Variants in AUTS2 observed in about 807,000 individuals in gnomAD.
The protein encoded by AUTS2 is autism susceptibility gene 2 protein.
AUTS2 carries 17 observed loss-of-function variants against 112.4 expected under a neutral mutation model. That is an observed-to-expected ratio of 0.15 (90% CI 0.10 to 0.23). The LOEUF (loss-of-function observed/expected upper bound fraction) is 0.23. Ranked by LOEUF, AUTS2 falls within the 10% of genes least tolerant of loss-of-function variation. The probability of loss-of-function intolerance (pLI) is 1.00; values close to 1 mark genes in which losing one functional copy is unlikely to be tolerated. For synonymous variants in AUTS2, 751 were observed against 702.7 expected, an observed-to-expected ratio of 1.07 and a Z score of -1.09; for missense variants, 1,510 against 1,701.6, an observed-to-expected ratio of 0.89 and a Z score of 1.98.
At chr7:69,621,418 C>T (rs761315120) in intron 1 of AUTS2, among the ~76,000 whole-genome samples, 1 of 130,230 alleles carries the variant, frequency 7.7e-6, no homozygotes, top group Non-Finnish European at 1.6e-5. Context: ...CTTTGGATGT[C>T]TTCAGAATCT....
At chr7:70,003,904 T>C (rs1473046068) in intron 2 of AUTS2, among the ~76,000 whole-genome samples, 3 of 84,948 alleles carry the variant, frequency 3.5e-5, no homozygotes, top group Non-Finnish European at 6.1e-5. Context: ...ATATATTATA[T>C]ATGAATGTGT....
intron 4 of AUTS2, among the ~76,000 whole-genome samples, chr7:70,341,156 A>C (rs1030007847): frequency 6.6e-6 from 1 of 152,230 alleles, no homozygotes; most frequent in Non-Finnish European, 1.5e-5. Flanking sequence ...CAGCTTCCCA[A>C]TAAATGCTAC....
At chr7:70,035,706 A>T (rs1006087881) in intron 2 of AUTS2, among the ~76,000 whole-genome samples, 1 of 152,080 alleles carries the variant, frequency 6.6e-6, no homozygotes, top group African/African-American at 2.4e-5. Flanking sequence ...CTGGTTCTTT[A>T]TTCTTCCCGG....
chr7:70,178,122 CTTATTT>C (rs1208496205), intron 4 of AUTS2, among the ~76,000 whole-genome samples: 4 of 151,650 alleles, frequency 2.6e-5, no homozygotes, highest in African/African-American at 7.3e-5. Flanking sequence ...CATCATTGTT[CTTATTT>C]TTATTTGTCA....
intron 1 of AUTS2, among the ~76,000 whole-genome samples, chr7:69,823,783 A>G (rs1429038115): frequency 2.0e-5 from 3 of 152,194 alleles, no homozygotes; most frequent in African/African-American, 4.8e-5. Flanking sequence ...AAAAAAACAA[A>G]AAACCAGCAA....
chr7:70,493,476 T>C (rs996490562), intron 5 of AUTS2, among the ~76,000 whole-genome samples: 1 of 152,156 alleles, frequency 6.6e-6, no homozygotes, highest in Non-Finnish European at 1.5e-5. Flanking sequence ...TAATTACTAC[T>C]CTGGATTTCA....
At chr7:70,784,378 T>A (rs1238786823) in intron 15 of AUTS2, 2 of 152,606 alleles carry the variant, frequency 1.3e-5, no homozygotes, top group Non-Finnish European at 2.9e-5. Context: ...CCAGAGATGA[T>A]AACGGGCTGG....
In AUTS2 at chr7:69,791,275, C is replaced by A. The variant is rs144042902; in HGVS notation, c.310-108011C>A. On this transcript the variant is annotated intron_variant, in intron 1 of 18. Coordinates refer to ENST00000342771, the MANE Select transcript of AUTS2 (RefSeq NM_015570.4). The stretch of plus-strand genomic sequence containing the variant: ...TGCATTTAGTGCACTTGGCGAGTGA[C>A]CTCCAATAGAGCTGTGTGTTCCCTT... Among the ~76,000 whole-genome samples the A allele has an allele frequency of 5.0e-4, 76 of 152,294 alleles. 1 individual carries two copies. The East Asian group carries it at 0.012, about 24-fold the overall frequency.
chr7:70,671,796 AG>A (rs1490472488), intron 5 of AUTS2, among the ~76,000 whole-genome samples: 2 of 152,224 alleles, frequency 1.3e-5, no homozygotes, highest in African/African-American at 4.8e-5. Context: ...TCAACCTGGA[AG>A]GAAGTGTCAG....
Position 70,763,311 on chromosome 7 carries a change from A to G in AUTS2, c.1184A>G (p.Asn395Ser), listed in dbSNP as rs987804836. 2.5e-6 allele frequency: 4 copies of G among 1,594,386 alleles called. No individual in the cohort carries two copies. Among genetic ancestry groups the G allele is most frequent in the Non-Finnish European group, 3.4e-6 (4 of 1,169,092 alleles). Residue 395 changes from asparagine (N) to serine (S), a missense_variant, in exon 7 of 19, where the codon AAC (asparagine) becomes AGC (serine). Asn to Ser is a conservative substitution (Grantham distance 46). Around this residue, in one of 3 missense-constraint regions of AUTS2, gnomAD observed 535 missense variants for 594.3 expected, o/e 0.90. Coordinates refer to ENST00000342771, the MANE Select transcript of AUTS2 (RefSeq NM_015570.4). Reference protein sequence around the residue: ...QSLSQPLSAYNSSSLSLNSLS... With the variant: ...QSLSQPLSAYSSSSLSLNSLS... ...CTCTCCCAGCCATTGTCAGCCTACA[A>G]CAGCAGTAGCTTAAGCCTCAACAGT...
At position 70,185,257 on chromosome 7, in the gene AUTS2, C is replaced by CTTTTT. The variant is rs35215443; in HGVS notation, c.660+50709_660+50713dup. On this transcript the variant is annotated intron_variant, in intron 4 of 18. Coordinates refer to ENST00000342771, the MANE Select transcript of AUTS2 (RefSeq NM_015570.4). ...TGCTTTGGGCCTAAATGACATTAAA[C>CTTTTT]TTTTTTTTTTTTTTTTTTTTTTTTT... is the stretch of plus-strand genomic sequence containing the variant. Among the ~76,000 whole-genome samples the CTTTTT allele has an allele frequency of 3.7e-4, 32 of 87,118 alleles. 1 individual carries two copies. The highest frequency in any genetic ancestry group is 8.7e-4 in the African/African-American group (19 of 21,910). 57.2% of individuals were successfully genotyped at this position (87,118 alleles called of 152,430 possible).
intron 6 of AUTS2, among the ~76,000 whole-genome samples, chr7:70,760,209 G>A (rs948322366): frequency 1.3e-5 from 2 of 152,194 alleles, no homozygotes; most frequent in African/African-American, 4.8e-5. Context: ...GTTTCACCGT[G>A]TTAGCCAGGA....
At chr7:69,620,637 TG>T (rs1470320182) in intron 1 of AUTS2, among the ~76,000 whole-genome samples, 2 of 152,220 alleles carry the variant, frequency 1.3e-5, no homozygotes, top group Non-Finnish European at 2.9e-5. Context: ...TCTTTATACC[TG>T]TGAGCTCTTA....
intron 4 of AUTS2, among the ~76,000 whole-genome samples, chr7:70,371,628 G>A (rs937284700): frequency 3.9e-5 from 6 of 152,096 alleles, no homozygotes; most frequent in African/African-American, 1.4e-4. Context: ...TACACATGAG[G>A]CATTTGTTTA....
Position 70,010,943 on chromosome 7 carries a change from G to T in AUTS2, c.523-107189G>T, listed in dbSNP as rs1057143037. 6.6e-5 allele frequency among the ~76,000 whole-genome samples: 10 copies of T among 152,302 alleles called. No individual in the cohort carries two copies. In the East Asian group the frequency reaches 1.2e-3, roughly 18 times the overall value. ...AGGGTCAAAGCTTCATTGTTGGGCA[G>T]CCAAGGAAGAGATTTGCTTGACTTA... On this transcript the variant is annotated intron_variant, in intron 2 of 18. Transcript: ENST00000342771.
intron 5 of AUTS2, among the ~76,000 whole-genome samples, chr7:70,460,851 C>T (rs1201992213): frequency 6.6e-6 from 1 of 152,118 alleles, no homozygotes; most frequent in Non-Finnish European, 1.5e-5. Flanking sequence ...CTGCATGGTG[C>T]CTTGCTGGTG....
At chr7:69,983,514 C>CTG (rs35678805) in intron 2 of AUTS2, among the ~76,000 whole-genome samples, 2,333 of 148,956 alleles carry the variant, frequency 0.016, 39 homozygotes, top group South Asian at 0.069. Flanking sequence ...TCGCTTTGTA[C>CTG]TGTGTGTGTG....
intron 4 of AUTS2, among the ~76,000 whole-genome samples, chr7:70,153,261 T>C (rs1269967096): frequency 6.6e-6 from 1 of 152,192 alleles, no homozygotes; most frequent in Non-Finnish European, 1.5e-5. Context: ...TATTGATACA[T>C]GCAACAACAT....
At chr7:70,665,948 C>G (rs1807326630) in intron 5 of AUTS2, among the ~76,000 whole-genome samples, 1 of 152,184 alleles carries the variant, frequency 6.6e-6, no homozygotes, top group African/African-American at 2.4e-5. Context: ...TCCCAGGATG[C>G]ATGTGGCTGA....
Sources: gnomAD v4.1 joint callset for allele counts (sites outside exome capture counted in the v4.1 genomes callset) on GRCh38, gnomAD v4.1.1 for gene constraint, gnomAD v4.1.1 regional missense constraint, MANE v1.5 for transcripts, NCBI Gene and HGNC (gene_info 2026-07-23, HGNC 2026-07-21) for gene names.